MXRA8: variants seen among roughly 807,000 people sequenced by gnomAD.
MXRA8 encodes the protein matrix remodeling-associated protein 8.
A neutral mutation model predicts 51.4 loss-of-function variants in MXRA8; 44 were observed. The ratio of observed to expected loss-of-function variants is 0.86; its 90% confidence interval spans 0.67 to 1.10. The LOEUF is 1.10. MXRA8 is among the 50% of genes least tolerant of loss of function. The pLI, the probability that MXRA8 is intolerant of heterozygous loss-of-function variation, is 0.00. For missense variants in MXRA8, 765 were observed against 638.9 expected (o/e 1.20, Z -2.13); for synonymous variants, 369 against 293.5 (o/e 1.26, Z -2.63).
chr1:1,358,704 A>G (rs1644181183), upstream of MXRA8: 7 of 1,388,364 alleles, frequency 5.0e-6, no homozygotes, highest in Non-Finnish European at 5.6e-6. Flanking sequence ...GGGGAGGGGC[A>G]GTGTGGGAGC....
upstream of MXRA8, among the ~76,000 whole-genome samples, chr1:1,362,469 A>AT (rs1644232750): frequency 5.1e-4 from 74 of 143,784 alleles, no homozygotes; most frequent in Middle Eastern, 3.7e-3. Context: ...CACCTTCTGT[A>AT]ATTTTTTTTT....
upstream of MXRA8, chr1:1,358,809 A>ACGTGAT: frequency 3.5e-6 from 4 of 1,140,466 alleles, no homozygotes; most frequent in Non-Finnish European, 4.4e-6. Context: ...CCCTGATACC[A>ACGTGAT]CGTGATCGTG....
intron 7 of MXRA8, 43 bp downstream of exon 7, chr1:1,354,150 A>C (rs753707475): frequency 8.7e-6 from 14 of 1,612,642 alleles, no homozygotes; most frequent in Non-Finnish European, 1.2e-5. Flanking sequence ...GGTGGGGTGA[A>C]GGGGGCCCTG....
At position 1,355,454 on chromosome 1, in the gene MXRA8, G is replaced by A. The variant is rs1424095702; in HGVS notation, c.372C>T (p.Ile124=). Residue 124 remains isoleucine, a synonymous_variant, in exon 3 of 10, where the codon ATC becomes ATT. Transcript: ENST00000309212. ...AFDDGNFSLL[I]RAVEETDAGL... ...CCCGGTCCCCGGTCCCCGCACCGCG[G>A]ATGAGCAGCGAGAAGTTGCCGTCGT... 14 of 1,500,928 alleles carry A rather than the reference G, an allele frequency of 9.3e-6. No individual in the cohort carries two copies. The highest frequency in any genetic ancestry group is 9.7e-6 in the Non-Finnish European group (11 of 1,135,150). The allele number at this position is 1,500,928 out of a possible 1,614,324, so 93.0% of individuals were successfully genotyped here.
Position 1,354,348 on chromosome 1 carries a change from C to T in MXRA8, c.1105+6G>A, listed in dbSNP as rs758614162. 1 of 1,608,784 alleles carries T rather than the reference C, an allele frequency of 6.2e-7. No homozygotes were observed. Among genetic ancestry groups the T allele is most frequent in the South Asian group, 1.1e-5 (1 of 90,642 alleles). On this transcript the variant is annotated splice_donor_region_variant and intron_variant, in intron 6 of 9. Coordinates refer to ENST00000309212, the MANE Select transcript of MXRA8 (RefSeq NM_032348.4). ...GGGGCCGCTGGCTTTGCCGGGGCAG[C>T]CTCACCTCCGCGGCGCCTGCGGGCG... is the stretch of plus-strand genomic sequence containing the variant.
upstream of MXRA8, among the ~76,000 whole-genome samples, chr1:1,361,931 T>C (rs557412588): frequency 6.6e-6 from 1 of 152,272 alleles, no homozygotes; most frequent in East Asian, 1.9e-4. Context: ...CCCAAGGGGG[T>C]CTCAAGATAT....
At chr1:1,362,229 C>T (rs1015410686), upstream of MXRA8, among the ~76,000 whole-genome samples, 1 of 152,220 alleles carries the variant, frequency 6.6e-6, no homozygotes, top group African/African-American at 2.4e-5. Context: ...CCACCACTGT[C>T]TCCTCCTCCT....
At chr1:1,358,685 T>A, upstream of MXRA8, 1 of 1,398,908 alleles carries the variant, frequency 7.1e-7, no homozygotes, top group Non-Finnish European at 9.3e-7. Context: ...CCATCGTTGC[T>A]GGCCTGCTGG....
upstream of MXRA8, chr1:1,359,340 G>A (rs1490968585): frequency 3.0e-6 from 3 of 985,326 alleles, no homozygotes; most frequent in Non-Finnish European, 3.6e-6. Context: ...TGCCATGGAA[G>A]GCACAAATTT....
chr1:1,362,809 C>T (rs554773428), upstream of MXRA8, among the ~76,000 whole-genome samples: 1 of 146,922 alleles, frequency 6.8e-6, no homozygotes, highest in African/African-American at 2.5e-5. Flanking sequence ...AAGGGTTGGG[C>T]GCGGTGGCTC....
rs368570770 is a variant in MXRA8, at chr1:1,353,955, C to G, written c.1223-27G>C. 399 of 1,604,608 alleles carry G rather than the reference C, an allele frequency of 2.5e-4. 1 individual carries two copies. In the African/African-American group the frequency reaches 4.5e-3, roughly 18 times the overall value. On this transcript the variant is annotated intron_variant, in intron 8 of 9. Coordinates refer to ENST00000309212, the MANE Select transcript of MXRA8 (RefSeq NM_032348.4). ...TGTGGGAGGAGAGGAGGCTGAGGTC[C>G]CCGCTCCCAGGATGCACTTCCCAGC...
At chr1:1,358,586 T>C (rs1644179234), upstream of MXRA8, 2 of 1,530,704 alleles carry the variant, frequency 1.3e-6, no homozygotes, top group South Asian at 2.5e-5. Context: ...TCCCCCTCCT[T>C]AGCACCCGCG....
At chr1:1,359,556 G>A (rs1356737051), upstream of MXRA8, 10 of 982,974 alleles carry the variant, frequency 1.0e-5, no homozygotes. Context: ...CCAGCTGGGT[G>A]GGGGGCTCAC....
At chr1:1,361,110 C>T (rs1557688327), upstream of MXRA8, 2 of 692,520 alleles carry the variant, frequency 2.9e-6, no homozygotes, top group Admixed American at 4.0e-5. Flanking sequence ...TGGAGACACG[C>T]ATGCATGCAC....
upstream of MXRA8, among the ~76,000 whole-genome samples, chr1:1,362,790 A>T (rs78959398): frequency 1.4e-5 from 2 of 144,758 alleles, no homozygotes; most frequent in African/African-American, 2.6e-5. Context: ...CAAAAAAAAA[A>T]AAAAAAAAAA....
Position 1,354,994 on chromosome 1 carries a change from C to T in MXRA8, c.637G>A (p.Gly213Arg), listed in dbSNP as rs1031370622. The T allele has an allele frequency of 6.3e-6, 10 of 1,599,068 alleles. No individual in the cohort carries two copies. The highest frequency in any genetic ancestry group is 1.3e-5 in the African/African-American group (1 of 74,626). ...CGGTCCGCGCGGTCGTGCGGGACCC[C>T]GGGCGGCTGCCGGTCCCAGTGCACC... ...QVVHWDRQPP[G>R]VPHDRADRLL... The change falls in exon 5 of 10, where the codon GGG becomes AGG. Residue 213 changes from glycine (G) to arginine (R), a missense_variant. Gly to Arg is a moderately radical substitution (Grantham distance 125). Coordinates refer to ENST00000309212, the MANE Select transcript of MXRA8 (RefSeq NM_032348.4).
chr1:1,358,929 G>A (rs1298959333), upstream of MXRA8: 9 of 999,142 alleles, frequency 9.0e-6, no homozygotes, highest in Non-Finnish European at 1.1e-5. Context: ...CTCAGGGCAG[G>A]GTCCTCCCCT....
chr1:1,360,140 A>G (rs918556521), upstream of MXRA8, among the ~76,000 whole-genome samples: 1 of 152,202 alleles, frequency 6.6e-6, no homozygotes, highest in Non-Finnish European at 1.5e-5. Flanking sequence ...TCCGCACGAC[A>G]GCCTCAGGCC....
At chr1:1,361,463 G>A (rs973241456), upstream of MXRA8, 9 of 604,186 alleles carry the variant, frequency 1.5e-5, no homozygotes, top group Admixed American at 2.7e-5. Context: ...CTGGAGGGGC[G>A]AGGACGGACG....
Sources: allele counts gnomAD v4.1 joint callset (sites outside exome capture counted in the v4.1 genomes callset), GRCh38; gene constraint gnomAD v4.1.1; transcripts MANE v1.5; gene names NCBI Gene and HGNC (gene_info 2026-07-23, HGNC 2026-07-21).